The following WDPCP variants were observed in gnomAD, a reference collection of about 807,000 sequenced individuals.
WDPCP encodes the protein WD repeat containing planar cell polarity effector, also known as WD repeat-containing and planar cell polarity effector protein fritz homolog.
WDPCP carries 71 observed loss-of-function variants against 93.1 expected under a neutral mutation model. That is an observed-to-expected ratio of 0.76 (90% CI 0.63 to 0.93). The LOEUF (loss-of-function observed/expected upper bound fraction) is 0.93. WDPCP is among the 40% of genes least tolerant of loss of function. The pLI, the probability that WDPCP is intolerant of heterozygous loss-of-function variation, is 0.00. For synonymous variants in WDPCP, 315 were observed against 315.0 expected (o/e 1.00, Z 0.00); for missense variants, 844 against 887.4 (o/e 0.95, Z 0.62).
chr2:63,695,927 A>G (rs1307792745), intron 2 of WDPCP, among the ~76,000 whole-genome samples: 2 of 152,206 alleles, frequency 1.3e-5, no homozygotes, highest in South Asian at 2.1e-4. Flanking sequence ...CTAAAAGAAT[A>G]TCCACTCACT....
chr2:63,812,296 T>G (rs1670874345), intron 2 of WDPCP, among the ~76,000 whole-genome samples: 1 of 152,364 alleles, frequency 6.6e-6, no homozygotes, highest in South Asian at 2.1e-4. Context: ...TACCACATTT[T>G]CTTTATCCAG....
chr2:63,177,428 T>G (rs141567234), intron 14 of WDPCP, among the ~76,000 whole-genome samples: 1 of 152,328 alleles, frequency 6.6e-6, no homozygotes, highest in East Asian at 1.9e-4. Flanking sequence ...AGCAGTGTTT[T>G]CTAGTTTTAA....
chr2:63,290,905 A>G (rs949518792), intron 13 of WDPCP, among the ~76,000 whole-genome samples: 1 of 152,100 alleles, frequency 6.6e-6, no homozygotes, highest in Non-Finnish European at 1.5e-5. Flanking sequence ...CTGTGCCAAG[A>G]TATGGTGTGC....
At chr2:63,433,983 G>A in intron 8 of WDPCP, 47 bp from the exon 9 acceptor site, 1 of 1,575,232 alleles carries the variant, frequency 6.3e-7, no homozygotes, top group Non-Finnish European at 8.7e-7. Flanking sequence ...TTTAAAAGAT[G>A]CAAAATCCTC....
intron 2 of WDPCP, among the ~76,000 whole-genome samples, chr2:63,778,703 G>A (rs931180142): frequency 1.3e-5 from 2 of 152,004 alleles, no homozygotes; most frequent in Non-Finnish European, 2.9e-5. Context: ...CTCTACCACT[G>A]GCCAGAGCAG....
intron 3 of WDPCP, among the ~76,000 whole-genome samples, chr2:63,605,570 C>G (rs2106629051): frequency 1.3e-5 from 2 of 152,294 alleles, no homozygotes; most frequent in Middle Eastern, 3.4e-3. Context: ...GCTGTTTTGT[C>G]ATCTTTTACA....
intron 2 of WDPCP, among the ~76,000 whole-genome samples, chr2:63,682,362 C>G (rs903159947): frequency 6.6e-6 from 1 of 152,078 alleles, no homozygotes; most frequent in Non-Finnish European, 1.5e-5. Context: ...AAGAATTGAG[C>G]AAATTTTGGA....
Position 63,295,855 on chromosome 2 carries a change from G to A in WDPCP, c.1812+17393C>T, listed in dbSNP as rs1179037057. 9.1e-5 allele frequency among the ~76,000 whole-genome samples: 13 copies of A among 143,076 alleles called. No individual in the cohort carries two copies. In the East Asian group the frequency reaches 2.7e-3, roughly 29 times the overall value. The allele number at this position is 143,076 out of a possible 152,430, so 93.9% of individuals were successfully genotyped here. On this transcript the variant is annotated intron_variant, in intron 13 of 17. Transcript: ENST00000272321. ...TTTATCAGATATACAAAGGAGAGCT[G>A]GTACCAAACTTAGTGAAACTATTCC...
At chr2:63,348,308 A>C (rs1210738140) in intron 12 of WDPCP, among the ~76,000 whole-genome samples, 7 of 152,190 alleles carry the variant, frequency 4.6e-5, no homozygotes, top group Admixed American at 4.6e-4. Context: ...AAATTACTGC[A>C]TGCTATCTCC....
intron 6 of WDPCP, among the ~76,000 whole-genome samples, chr2:63,466,777 C>G (rs956633253): frequency 3.3e-5 from 5 of 152,134 alleles, no homozygotes; most frequent in African/African-American, 4.8e-5. Flanking sequence ...ATATGATTAA[C>G]TATAACTGAA....
At chr2:63,148,432 T>A (rs139905847) in intron 17 of WDPCP, among the ~76,000 whole-genome samples, 33 of 152,202 alleles carry the variant, frequency 2.2e-4, no homozygotes, top group Non-Finnish European at 4.6e-4. Context: ...CTCTGCCTCC[T>A]GGGTTGAAAC....
At chr2:63,486,450 G>C (rs768312106) in intron 4 of WDPCP, 92 bp downstream of exon 4, 39 of 1,192,412 alleles carry the variant, frequency 3.3e-5, no homozygotes, top group Non-Finnish European at 4.4e-5. Context: ...AATTTGGAGG[G>C]AATAAAGTTT....
At chr2:63,266,241 C>A (rs1378036100) in intron 13 of WDPCP, among the ~76,000 whole-genome samples, 1 of 152,074 alleles carries the variant, frequency 6.6e-6, no homozygotes, top group East Asian at 1.9e-4. Flanking sequence ...CACAATCTTA[C>A]ATACAGAAAA....
chr2:63,697,910 A>G (rs1036677758), intron 2 of WDPCP, among the ~76,000 whole-genome samples: 1 of 151,026 alleles, frequency 6.6e-6, no homozygotes, highest in Admixed American at 6.6e-5. Flanking sequence ...TTGGCCTCCC[A>G]AAGTGCTGGG....
At chr2:63,673,927 A>C (rs1420504270) in intron 2 of WDPCP, among the ~76,000 whole-genome samples, 1 of 152,122 alleles carries the variant, frequency 6.6e-6, no homozygotes, top group East Asian at 1.9e-4. Context: ...GTTGCTGTGG[A>C]ATTTGCCTTT....
intron 15 of WDPCP, among the ~76,000 whole-genome samples, chr2:63,169,299 C>A (rs185398781): frequency 6.6e-6 from 1 of 152,294 alleles, no homozygotes; most frequent in African/African-American, 2.4e-5. Flanking sequence ...TTTTAGCGTT[C>A]ATACTTGAAG....
At chr2:63,756,237 C>G (rs953317349) in intron 2 of WDPCP, among the ~76,000 whole-genome samples, 4 of 152,156 alleles carry the variant, frequency 2.6e-5, no homozygotes, top group African/African-American at 9.7e-5. Context: ...TATATTCATT[C>G]TTTTTAAAGT....
rs550323345 is a variant in WDPCP, at chr2:63,697,166, G to A, written n.309-46328C>T. On this transcript the variant is annotated intron_variant and non_coding_transcript_variant, in intron 2 of 4. Transcript: ENST00000467687. The stretch of plus-strand genomic sequence containing the variant: ...AGTAGTAGTTATAGTAGTTGTAGTA[G>A]TGTGGGCCCCATAAAGCCCACACTA... 2.0e-5 allele frequency among the ~76,000 whole-genome samples: 3 copies of A among 152,238 alleles called. No homozygotes were observed. In the South Asian group the frequency reaches 6.2e-4, roughly 32 times the overall value.
intron 1 of WDPCP, among the ~76,000 whole-genome samples, chr2:63,526,673 C>T (rs765531736): frequency 5.9e-5 from 9 of 152,174 alleles, no homozygotes; most frequent in Non-Finnish European, 1.0e-4. Context: ...GAAATCTCTT[C>T]CCTGTGGTTT....
Sources: allele counts gnomAD v4.1 joint callset (sites outside exome capture counted in the v4.1 genomes callset), GRCh38; gene constraint gnomAD v4.1.1; transcripts MANE v1.5; gene names NCBI Gene and HGNC (gene_info 2026-07-23, HGNC 2026-07-21).